Variants in GRM1 observed in about 807,000 individuals in gnomAD.
GRM1 encodes glutamate metabotropic receptor 1.
A neutral mutation model predicts 90.9 loss-of-function variants in GRM1; 33 were observed. That is an observed-to-expected ratio of 0.36 (90% CI 0.28 to 0.49). The LOEUF (loss-of-function observed/expected upper bound fraction) is 0.49. Ranked by LOEUF, GRM1 falls within the 20% of genes least tolerant of loss-of-function variation. GRM1 has a pLI of 0.99. For synonymous variants in GRM1, 700 were observed against 613.2 expected, an observed-to-expected ratio of 1.14 and a Z score of -2.09; for missense variants, 1,190 against 1,534.3, an observed-to-expected ratio of 0.78 and a Z score of 3.75.
intron 1 of GRM1, among the ~76,000 whole-genome samples, chr6:146,123,519 C>T (rs1157311420): frequency 3.3e-5 from 5 of 152,140 alleles, no homozygotes; most frequent in Admixed American, 1.3e-4. Context: ...AACATCTGTA[C>T]GTTTTCTATG....
intron 5 of GRM1, among the ~76,000 whole-genome samples, chr6:146,362,665 A>C (rs7772933): frequency 0.024 from 730 of 30,294 alleles, 19 homozygotes; most frequent in African/African-American, 0.056. Flanking sequence ...ACTCCATCTC[A>C]AAAAAAAAAA....
chr6:146,274,912 C>G (rs1782298271), intron 2 of GRM1, among the ~76,000 whole-genome samples: 1 of 152,154 alleles, frequency 6.6e-6, no homozygotes, highest in Admixed American at 6.5e-5. Context: ...CACCTATAAT[C>G]CCAGCCACTC....
intron 1 of GRM1, among the ~76,000 whole-genome samples, chr6:146,059,081 A>C (rs1036086143): frequency 6.6e-6 from 1 of 152,124 alleles, no homozygotes; most frequent in Admixed American, 6.6e-5. Context: ...GTGAATCCCA[A>C]ATATTCTTAA....
intron 1 of GRM1, among the ~76,000 whole-genome samples, chr6:146,097,043 T>G (rs74518947): frequency 0.044 from 6,655 of 152,202 alleles, 228 homozygotes; most frequent in East Asian, 0.16. Context: ...ATAAAAGATT[T>G]GGGTTAAAAA....
chr6:146,402,144 T>G (rs1190766067), intron 7 of GRM1, among the ~76,000 whole-genome samples: 1 of 152,192 alleles, frequency 6.6e-6, no homozygotes, highest in African/African-American at 2.4e-5. Flanking sequence ...AACTATTAGC[T>G]GCAATTTATC....
At chr6:146,233,881 C>T (rs2114710785) in intron 2 of GRM1, among the ~76,000 whole-genome samples, 1 of 152,130 alleles carries the variant, frequency 6.6e-6, no homozygotes, top group Middle Eastern at 3.4e-3. Context: ...CTATCAATTA[C>T]TAAGAAAAGA....
chr6:146,037,667 G>C (rs913599198), intron 1 of GRM1, among the ~76,000 whole-genome samples: 1 of 151,862 alleles, frequency 6.6e-6, no homozygotes, highest in Non-Finnish European at 1.5e-5. Context: ...AGTTTTGGAT[G>C]ACTCCAACAT....
chr6:146,039,705 G>A (rs1164210135), intron 1 of GRM1, among the ~76,000 whole-genome samples: 1 of 151,928 alleles, frequency 6.6e-6, no homozygotes, highest in African/African-American at 2.4e-5. Context: ...GTCAAGAGAT[G>A]ATTAGAGTTT....
At chr6:146,046,489 C>T (rs1381926771) in intron 1 of GRM1, among the ~76,000 whole-genome samples, 1 of 151,980 alleles carries the variant, frequency 6.6e-6, no homozygotes, top group Non-Finnish European at 1.5e-5. Flanking sequence ...TGATCATTGA[C>T]ATTAATTTCT....
intron 2 of GRM1, among the ~76,000 whole-genome samples, chr6:146,275,357 T>G (rs541022807): frequency 6.6e-6 from 1 of 152,238 alleles, no homozygotes; most frequent in South Asian, 2.1e-4. Context: ...AGCTGGGGGT[T>G]GCTAGGCGTG....
chr6:146,205,414 G>A (rs1051375617), intron 2 of GRM1, among the ~76,000 whole-genome samples: 1 of 152,166 alleles, frequency 6.6e-6, no homozygotes, highest in Admixed American at 6.5e-5. Flanking sequence ...GTATGTTTCA[G>A]ATGAGTGAAT....
At chr6:146,154,918 A>G (rs1777465910) in intron 1 of GRM1, among the ~76,000 whole-genome samples, 1 of 152,236 alleles carries the variant, frequency 6.6e-6, no homozygotes, top group South Asian at 2.1e-4. Flanking sequence ...GTTTCATTTT[A>G]AAGGTACTCT....
Position 146,106,111 on chromosome 6 carries a change from T to C in GRM1, c.701-53237T>C, listed in dbSNP as rs555372842. On this transcript the variant is annotated intron_variant, in intron 1 of 7. Transcript: ENST00000282753. ...AAGTCATAATTCTAAAAAGGTTTAA[T>C]GCGTCATTAAGCATAATTTGTATTT... is the stretch of plus-strand genomic sequence containing the variant. 2.0e-5 allele frequency among the ~76,000 whole-genome samples: 3 copies of C among 152,364 alleles called. No individual in the cohort carries two copies. In the South Asian group the frequency reaches 6.2e-4, roughly 32 times the overall value.
At chr6:146,350,963 G>C (rs1457443098) in intron 3 of GRM1, among the ~76,000 whole-genome samples, 1 of 152,104 alleles carries the variant, frequency 6.6e-6, no homozygotes, top group African/African-American at 2.4e-5. Flanking sequence ...TAGATATAAG[G>C]ATATCCTTTT....
intron 1 of GRM1, among the ~76,000 whole-genome samples, chr6:146,116,011 C>T (rs1040410853): frequency 9.2e-5 from 14 of 152,106 alleles, no homozygotes; most frequent in Admixed American, 2.0e-4. Context: ...AGTGCAATGG[C>T]GCAATCTTGG....
chr6:146,040,883 T>C (rs1447904460), intron 1 of GRM1, among the ~76,000 whole-genome samples: 3 of 152,006 alleles, frequency 2.0e-5, no homozygotes, highest in Admixed American at 2.0e-4. Flanking sequence ...GACTCTTAGA[T>C]TTGCCTTTTT....
chr6:146,078,907 A>C (rs1776274268), intron 1 of GRM1, among the ~76,000 whole-genome samples: 1 of 152,226 alleles, frequency 6.6e-6, no homozygotes, highest in African/African-American at 2.4e-5. Flanking sequence ...CCACCAGGAA[A>C]GATGAGGCTC....
intron 1 of GRM1, among the ~76,000 whole-genome samples, chr6:146,120,525 A>C (rs1483960185): frequency 6.6e-6 from 1 of 152,162 alleles, no homozygotes; most frequent in African/African-American, 2.4e-5. Flanking sequence ...CAGTTTTCAA[A>C]GGGAATGCTT....
At chr6:146,085,158 G>A (rs1474871) in intron 1 of GRM1, among the ~76,000 whole-genome samples, 69,906 of 151,760 alleles carry the variant, frequency 0.46, 16,509 homozygotes, top group Middle Eastern at 0.55. Context: ...GAAAGAACCA[G>A]CAACAGAAAT....
Sources: gnomAD v4.1 joint callset for allele counts (sites outside exome capture counted in the v4.1 genomes callset) on GRCh38, gnomAD v4.1.1 for gene constraint, MANE v1.5 for transcripts, NCBI Gene and HGNC (gene_info 2026-07-23, HGNC 2026-07-21) for gene names.